Variants in EVA1C observed in about 807,000 individuals in gnomAD.
EVA1C encodes protein eva-1 homolog C.
Under a neutral mutation model 45.4 loss-of-function variants are expected in EVA1C, and 25 were observed. The ratio of observed to expected loss-of-function variants is 0.55; its 90% CI spans 0.40 to 0.77. The LOEUF (loss-of-function observed/expected upper bound fraction) is 0.77, where lower values mean the gene tolerates loss of function less well. EVA1C is among the 30% of genes least tolerant of loss of function. The probability of loss-of-function intolerance (pLI) is 0.00; values close to 1 mark genes in which losing one functional copy is unlikely to be tolerated. For synonymous variants in EVA1C, 190 were observed against 221.2 expected, an observed-to-expected ratio of 0.86 and a Z score of 1.25; for missense variants, 479 against 554.8, an observed-to-expected ratio of 0.86 and a Z score of 1.37.
At chr21:32,450,144 T>C (rs542260962) in intron 1 of EVA1C, among the ~76,000 whole-genome samples, 16 of 152,284 alleles carry the variant, frequency 1.1e-4, no homozygotes, top group Middle Eastern at 3.4e-3. Context: ...GGGGCATGGA[T>C]TGGAGGCTCA....
intron 1 of EVA1C, among the ~76,000 whole-genome samples, chr21:32,443,256 T>C (rs1226255824): frequency 2.0e-5 from 3 of 152,170 alleles, no homozygotes; most frequent in African/African-American, 7.2e-5. Context: ...AGATTTACAG[T>C]ACATGGCAGG....
chr21:32,438,404 G>A (rs1255720566), intron 1 of EVA1C, among the ~76,000 whole-genome samples: 2 of 148,858 alleles, frequency 1.3e-5, no homozygotes, highest in Non-Finnish European at 3.0e-5. Context: ...GGCTGAGGCA[G>A]GAGAATCACT....
chr21:32,453,997 G>A (rs1404799996), intron 2 of EVA1C, among the ~76,000 whole-genome samples: 10 of 152,174 alleles, frequency 6.6e-5, no homozygotes, highest in South Asian at 2.1e-4. Context: ...TTGGGAGGCC[G>A]AGGTGGGTGG....
rs183884480 is a variant in EVA1C, at chr21:32,456,186, C to T, written c.358-1411C>T. On this transcript the variant is annotated intron_variant, in intron 2 of 7. Transcript: ENST00000300255. ...GGATTACAGGTGTGAGCCACCGCGCCCAGCCTTCTTTTGTGTCTTTTAAGC... is the reference window on the plus strand; with the variant it reads ...GGATTACAGGTGTGAGCCACCGCGCTCAGCCTTCTTTTGTGTCTTTTAAGC... Among the ~76,000 whole-genome samples the T allele has an allele frequency of 4.8e-4, 70 of 147,140 alleles. No individual in the cohort carries two copies. In the East Asian group the frequency reaches 0.011, roughly 22 times the overall value.
At chr21:32,423,136 T>A (rs2034354402) in intron 1 of EVA1C, among the ~76,000 whole-genome samples, 1 of 150,552 alleles carries the variant, frequency 6.6e-6, no homozygotes, top group South Asian at 2.1e-4. Flanking sequence ...ATGCACTTTA[T>A]CCACATTCCT....
intron 3 of EVA1C, among the ~76,000 whole-genome samples, chr21:32,465,883 A>G (rs8127659): frequency 0.62 from 93,793 of 152,100 alleles, 31,645 homozygotes; most frequent in African/African-American, 0.89. Context: ...GTACAATCCC[A>G]TGATTTTCAG....
chr21:32,513,783 C>T (rs986670340), intron 7 of EVA1C, among the ~76,000 whole-genome samples: 10 of 151,892 alleles, frequency 6.6e-5, no homozygotes, highest in South Asian at 2.1e-4. Flanking sequence ...TCAAGCAATC[C>T]ACCCACCTTG....
chr21:32,507,377 C>T (rs2037755296), intron 7 of EVA1C, among the ~76,000 whole-genome samples: 1 of 148,498 alleles, frequency 6.7e-6, no homozygotes, highest in Non-Finnish European at 1.5e-5. Context: ...TGTGTGTGTG[C>T]ATGTGTGCAT....
intron 4 of EVA1C, among the ~76,000 whole-genome samples, chr21:32,475,880 T>A (rs60750822): frequency 0.077 from 493 of 6,390 alleles, 3 homozygotes; most frequent in African/African-American, 0.19. Flanking sequence ...CTAAAAACTT[T>A]ATCTATCTAT....
chr21:32,494,996 C>A, intron 4 of EVA1C, 31 bp from the exon 5 acceptor site: 1 of 1,609,954 alleles, frequency 6.2e-7, no homozygotes, highest in East Asian at 2.2e-5. Context: ...TGGGATGCAA[C>A]CTGAAGTTCT....
At chr21:32,471,054 C>T (rs781344257) in intron 4 of EVA1C, among the ~76,000 whole-genome samples, 1 of 148,264 alleles carries the variant, frequency 6.7e-6, no homozygotes, top group South Asian at 2.2e-4. Context: ...CCACTGCACC[C>T]GGCCCAGGTA....
chr21:32,420,564 AT>A (rs879364431), intron 1 of EVA1C, among the ~76,000 whole-genome samples: 8 of 147,698 alleles, frequency 5.4e-5, no homozygotes, highest in Admixed American at 6.8e-5. Flanking sequence ...TTTTTTTGGC[AT>A]TTTTTTTTTG....
intron 1 of EVA1C, among the ~76,000 whole-genome samples, chr21:32,416,230 T>C (rs1388751676): frequency 6.6e-6 from 1 of 151,144 alleles, no homozygotes; most frequent in Non-Finnish European, 1.5e-5. Context: ...GTGTGTGTGC[T>C]TCTAATTTGT....
chr21:32,442,982 AAGGGAGGGAGGGAGGGAAGGAGGG>A (rs1337032871), intron 1 of EVA1C, among the ~76,000 whole-genome samples: 3 of 119,324 alleles, frequency 2.5e-5, no homozygotes, highest in East Asian at 3.0e-4. Flanking sequence ...GAAGGGAAGG[AAGGGAGGGAGGGAGGGAAGGAGGG>A]AGGGAGGGAG....
At chr21:32,428,903 T>C (rs1396393739) in intron 1 of EVA1C, among the ~76,000 whole-genome samples, 1 of 152,206 alleles carries the variant, frequency 6.6e-6, no homozygotes, top group Non-Finnish European at 1.5e-5. Flanking sequence ...GGGAAGAGTG[T>C]ATTTGCTGGA....
At chr21:32,428,611 C>T (rs1025927555) in intron 1 of EVA1C, 1 of 152,196 alleles carries the variant, frequency 6.6e-6, no homozygotes, top group Admixed American at 6.5e-5. Flanking sequence ...CTTATTACTG[C>T]CAGAGGGTCT....
chr21:32,471,337 T>C, intron 4 of EVA1C, among the ~76,000 whole-genome samples: 1 of 151,248 alleles, frequency 6.6e-6, no homozygotes, highest in East Asian at 1.9e-4. Context: ...TTTTCTTTTT[T>C]TTTTTTTGAG....
Position 32,412,756 on chromosome 21 carries a change from G to C in EVA1C, c.-98G>C. 1.7e-6 allele frequency: 2 copies of C among 1,195,668 alleles called. No homozygotes were observed. The highest frequency in any genetic ancestry group is 2.2e-6 in the Non-Finnish European group (2 of 929,770). 74.1% of individuals were successfully genotyped at this position (1,195,668 alleles called of 1,614,324 possible). Reference sequence around the variant, plus strand: ...GGAGGCGGCGGGGGGCCGCGGAGCCGCTGGCCATCGATTCTCCCCGCCATG... The same window carrying C: ...GGAGGCGGCGGGGGGCCGCGGAGCCCCTGGCCATCGATTCTCCCCGCCATG... On this transcript the variant is annotated 5_prime_UTR_variant, in exon 1 of 8. Transcript: ENST00000300255.
chr21:32,511,154 G>A lies in EVA1C; in HGVS notation c.950-3660G>A, dbSNP rs538261037. ...CCTTGGACTAGGCACGGTGGCTCACGCCTGTAATCCCAGCACTTTGGGAAG... is the reference window on the plus strand; with the variant it reads ...CCTTGGACTAGGCACGGTGGCTCACACCTGTAATCCCAGCACTTTGGGAAG... On this transcript the variant is annotated intron_variant, in intron 7 of 7. Transcript: ENST00000300255. Among the ~76,000 whole-genome samples the A allele has an allele frequency of 4.7e-4, 71 of 151,916 alleles. No individual in the cohort carries two copies. In the South Asian group the frequency reaches 0.013, roughly 27 times the overall value.
Sources: gnomAD v4.1 joint callset for allele counts (sites outside exome capture counted in the v4.1 genomes callset) on GRCh38, gnomAD v4.1.1 for gene constraint, MANE v1.5 for transcripts, NCBI Gene and HGNC (gene_info 2026-07-23, HGNC 2026-07-21) for gene names.